PCDH11X: variants seen among roughly 807,000 people sequenced by gnomAD.
The protein encoded by PCDH11X is protocadherin-11 X-linked.
In PCDH11X, 18 loss-of-function variants were observed where a neutral mutation model predicts 53.3. The observed-to-expected ratio is 0.34, with a 90% CI of 0.23 to 0.50. PCDH11X has a LOEUF of 0.50. PCDH11X is among the 20% of genes least tolerant of loss of function. The probability of loss-of-function intolerance (pLI) is 0.98; values close to 1 mark genes in which losing one functional copy is unlikely to be tolerated. For missense variants in PCDH11X, 570 were observed against 1,032.4 expected, an observed-to-expected ratio of 0.55 and a Z score of 6.14; for synonymous variants, 279 against 393.3, an observed-to-expected ratio of 0.71 and a Z score of 3.44.
chrX:91,879,276 A>G lies in PCDH11X; in HGVS notation c.3033+3A>G, dbSNP rs757461903. The G allele has an allele frequency of 5.0e-6, 6 of 1,211,316 alleles. No individual in the cohort carries two copies. The South Asian group carries it at 1.1e-4, about 21-fold the overall frequency. ...CTGTGTCCGTACACACCAGACCGGTAGGTATCCAAGTTTCTAACACAACTT... is the reference window on the plus strand; with the variant it reads ...CTGTGTCCGTACACACCAGACCGGTGGGTATCCAAGTTTCTAACACAACTT... On this transcript the variant is annotated splice_donor_region_variant and intron_variant, in intron 6 of 10. Transcript: ENST00000682573.
In PCDH11X at chrX:92,403,339, G is replaced by GTTTT. The variant is rs1191277649; in HGVS notation, c.3343+15424_3343+15427dup. Among the ~76,000 whole-genome samples the GTTTT allele has an allele frequency of 5.7e-3, 283 of 49,278 alleles. 1 individual carries two copies. The highest frequency in any genetic ancestry group is 0.011 in the African/African-American group (130 of 11,823). 42.8% of individuals were successfully genotyped at this position (49,278 alleles called of 115,157 possible). A position where few individuals can be genotyped will look rare whatever the true frequency, so the allele number is the denominator to read the frequency against. On this transcript the variant is annotated intron_variant, in intron 9 of 10. Coordinates refer to ENST00000682573, the MANE Select transcript of PCDH11X (RefSeq NM_032968.5). ...TGTCCGGGCATTTACGTTTTTTTTT[G>GTTTT]TTTTTTTTTTTTTTTTTTTTTGTAG... is the stretch of plus-strand genomic sequence containing the variant.
At chrX:92,048,428 T>A (rs1025080523) in intron 6 of PCDH11X, among the ~76,000 whole-genome samples, 21 of 111,178 alleles carry the variant, frequency 1.9e-4, no homozygotes, top group African/African-American at 6.2e-4. Flanking sequence ...ATAAGCTATC[T>A]AGTTTCAATG....
chrX:92,335,623 A>G (rs2069597726), intron 8 of PCDH11X, among the ~76,000 whole-genome samples: 1 of 111,052 alleles, frequency 9.0e-6, no homozygotes, highest in South Asian at 3.8e-4. Context: ...ATAACACTTC[A>G]TCTGTTAATG....
rs147669343 is a variant in PCDH11X, at chrX:92,212,899, A to G, written c.3114+11444A>G. ...CTTATCTTTTGGCTTGAAGTTCAGA[A>G]TGTGTTTCTTTGGTATGATTTCTTT... is the stretch of plus-strand genomic sequence containing the variant. On this transcript the variant is annotated intron_variant, in intron 7 of 10. Coordinates refer to ENST00000682573, the MANE Select transcript of PCDH11X (RefSeq NM_032968.5). 6.9e-4 allele frequency among the ~76,000 whole-genome samples: 78 copies of G among 112,273 alleles called. 1 individual carries two copies. The highest frequency in any genetic ancestry group is 4.6e-3 in the Middle Eastern group (1 of 219).
At chrX:92,417,478 C>A (rs1467446896) in intron 9 of PCDH11X, among the ~76,000 whole-genome samples, 2 of 110,713 alleles carry the variant, frequency 1.8e-5, no homozygotes, top group Non-Finnish European at 3.8e-5. Flanking sequence ...TCTATATTAA[C>A]CTTCAAACAA....
chrX:92,284,314 A>G (rs1483312708), intron 8 of PCDH11X, among the ~76,000 whole-genome samples: 1 of 109,416 alleles, frequency 9.1e-6, no homozygotes, highest in Non-Finnish European at 1.9e-5. Flanking sequence ...ATTATTACAA[A>G]GATAAAAAAT....
At chrX:91,953,061 G>T (rs1569273764) in intron 6 of PCDH11X, among the ~76,000 whole-genome samples, 1 of 110,571 alleles carries the variant, frequency 9.0e-6, no homozygotes, top group African/African-American at 3.3e-5. Flanking sequence ...AAGGTAGTAG[G>T]GAGTGTGAGG....
At chrX:91,969,478 C>T (rs1470078228) in intron 6 of PCDH11X, among the ~76,000 whole-genome samples, 6 of 109,502 alleles carry the variant, frequency 5.5e-5, no homozygotes, top group Non-Finnish European at 1.1e-4. Context: ...ATTTACTAAG[C>T]GTCAAGGTAG....
chrX:92,429,790 T>G (rs2755006), intron 9 of PCDH11X, among the ~76,000 whole-genome samples: 1 of 90,066 alleles, frequency 1.1e-5, no homozygotes, highest in East Asian at 3.5e-4. Flanking sequence ...GTAATAGTAA[T>G]GCATTCAGGT....
chrX:92,131,413 G>C (rs1383717716), intron 6 of PCDH11X, among the ~76,000 whole-genome samples: 1 of 111,370 alleles, frequency 9.0e-6, no homozygotes, highest in Admixed American at 9.7e-5. Flanking sequence ...AGTCAGGTGA[G>C]GAAATAACTT....
intron 6 of PCDH11X, among the ~76,000 whole-genome samples, chrX:91,944,310 G>A (rs1184820496): frequency 1.0e-5 from 1 of 98,987 alleles, no homozygotes; most frequent in African/African-American, 3.7e-5. Context: ...CATTTTATTT[G>A]CCTATACTCC....
chrX:92,005,106 T>A (rs1363039683), intron 6 of PCDH11X, among the ~76,000 whole-genome samples: 2 of 111,286 alleles, frequency 1.8e-5, no homozygotes, highest in East Asian at 5.6e-4. Flanking sequence ...GTGTTTCTTG[T>A]AAGCAACAGA....
chrX:92,122,672 C>G (rs1188357657), intron 6 of PCDH11X, among the ~76,000 whole-genome samples: 3 of 111,838 alleles, frequency 2.7e-5, no homozygotes. Flanking sequence ...GGCAGTGGCT[C>G]ACACCTGTAA....
At chrX:91,805,802 G>T (rs1394529288) in intron 1 of PCDH11X, among the ~76,000 whole-genome samples, 9 of 108,543 alleles carry the variant, frequency 8.3e-5, no homozygotes, top group Non-Finnish European at 1.7e-4. Flanking sequence ...CTCTATCCTG[G>T]GTGGCAGAGT....
chrX:92,549,812 A>G (rs1324424741), intron 10 of PCDH11X, among the ~76,000 whole-genome samples: 3 of 111,405 alleles, frequency 2.7e-5, no homozygotes, highest in Non-Finnish European at 5.7e-5. Context: ...TTTATTTAAT[A>G]TATTTTAATA....
At chrX:91,792,163 A>G (rs1434727759) in intron 1 of PCDH11X, among the ~76,000 whole-genome samples, 1 of 110,682 alleles carries the variant, frequency 9.0e-6, no homozygotes, top group Non-Finnish European at 1.9e-5. Flanking sequence ...GTTTTAAGAC[A>G]ATGAGAAACA....
rs1424960411 is a variant in PCDH11X, at chrX:92,339,318, G to A, written c.3145-48417G>A. Among the ~76,000 whole-genome samples, 46 of 111,926 alleles carry A rather than the reference G, an allele frequency of 4.1e-4. 1 individual carries two copies. The highest frequency in any genetic ancestry group is 1.3e-3 in the African/African-American group (41 of 30,851). ...TAAGACCTCAAATTATAAAAATACCGGAAGAAAATCTAGGAAATACCCTTC... is the reference window on the plus strand; with the variant it reads ...TAAGACCTCAAATTATAAAAATACCAGAAGAAAATCTAGGAAATACCCTTC... On this transcript the variant is annotated intron_variant, in intron 8 of 10. Transcript: ENST00000682573.
At chrX:92,027,808 TG>T (rs2062990460) in intron 6 of PCDH11X, among the ~76,000 whole-genome samples, 1 of 90,033 alleles carries the variant, frequency 1.1e-5, no homozygotes, top group African/African-American at 4.1e-5. Flanking sequence ...TTGTTACAAA[TG>T]TGTACATGAC....
intron 6 of PCDH11X, among the ~76,000 whole-genome samples, chrX:91,912,258 G>A (rs897308743): frequency 3.6e-5 from 4 of 111,176 alleles, no homozygotes; most frequent in Non-Finnish European, 5.7e-5. Context: ...CATCATGGAT[G>A]CCTTTCATAT....
Sources: allele counts gnomAD v4.1 joint callset (sites outside exome capture counted in the v4.1 genomes callset), GRCh38; gene constraint gnomAD v4.1.1; transcripts MANE v1.5; gene names NCBI Gene and HGNC (gene_info 2026-07-23, HGNC 2026-07-21).